The following ANO4 variants were observed in gnomAD, a reference collection of about 807,000 sequenced individuals.
ANO4 encodes anoctamin 4, also known as anoctamin-4.
A neutral mutation model predicts 141.9 loss-of-function variants in ANO4; 69 were observed. That is an observed-to-expected ratio of 0.49 (90% CI 0.40 to 0.59). The LOEUF (loss-of-function observed/expected upper bound fraction) is 0.59, where lower values mean the gene tolerates loss of function less well. Among genes scored for constraint, ANO4 ranks in the 20% least tolerant of loss-of-function variants. The pLI is 0.00. For missense variants in ANO4, 894 were observed against 1,162.2 expected (o/e 0.77, Z 3.36); for synonymous variants, 350 against 394.3 (o/e 0.89, Z 1.33).
intron 6 of ANO4, 104 bp from the exon 7 acceptor site, chr12:100,974,741 C>G: frequency 7.9e-7 from 1 of 1,262,780 alleles, no homozygotes; most frequent in Non-Finnish European, 1.2e-6. Flanking sequence ...TTCTTCACCT[C>G]TTACAGGCTT....
At chr12:100,873,218 T>C (rs147227608) in intron 1 of ANO4, among the ~76,000 whole-genome samples, 107 of 152,316 alleles carry the variant, frequency 7.0e-4, no homozygotes, top group African/African-American at 2.5e-3. Context: ...AGCAAATTGG[T>C]ACTGGGAGTG....
chr12:100,952,020 T>C (rs1379945985), intron 5 of ANO4, among the ~76,000 whole-genome samples: 1 of 152,144 alleles, frequency 6.6e-6, no homozygotes, highest in Non-Finnish European at 1.5e-5. Context: ...CATCCCTAGC[T>C]GAGAATCCCT....
intron 22 of ANO4, among the ~76,000 whole-genome samples, chr12:101,109,255 G>T (rs1243266804): frequency 6.6e-6 from 1 of 152,090 alleles, no homozygotes; most frequent in African/African-American, 2.4e-5. Context: ...TATTTACTTT[G>T]ATCACTTGGT....
At chr12:101,127,385 C>A (rs2051365740) in intron 27 of ANO4, among the ~76,000 whole-genome samples, 1 of 152,080 alleles carries the variant, frequency 6.6e-6, no homozygotes, top group Non-Finnish European at 1.5e-5. Context: ...TCCAGCCGGG[C>A]TGTTTTCTTT....
At chr12:100,970,802 T>A (rs976870282) in intron 5 of ANO4, among the ~76,000 whole-genome samples, 1 of 151,756 alleles carries the variant, frequency 6.6e-6, no homozygotes, top group Admixed American at 6.6e-5. Context: ...CACTGCAACC[T>A]CCACCTTTCG....
intron 8 of ANO4, among the ~76,000 whole-genome samples, chr12:100,989,681 C>T (rs2044968094): frequency 1.7e-5 from 2 of 115,718 alleles, no homozygotes; most frequent in South Asian, 2.9e-4. Context: ...ATGGATAAGT[C>T]ACTGGATGGA....
At chr12:100,905,096 G>A (rs2040776427) in intron 2 of ANO4, among the ~76,000 whole-genome samples, 1 of 152,162 alleles carries the variant, frequency 6.6e-6, no homozygotes, top group Non-Finnish European at 1.5e-5. Context: ...GGCAAAGGTG[G>A]GGCTGAGTTC....
chr12:100,947,935 G>A (rs141237631), intron 5 of ANO4, among the ~76,000 whole-genome samples: 2,568 of 152,178 alleles, frequency 0.017, 76 homozygotes, highest in African/African-American at 0.058. Flanking sequence ...TATAATCCCA[G>A]CACTTTGGGA....
chr12:100,975,624 A>T (rs1301891391), intron 7 of ANO4, among the ~76,000 whole-genome samples: 1 of 151,666 alleles, frequency 6.6e-6, no homozygotes, highest in African/African-American at 2.4e-5. Context: ...TATTTTTAGT[A>T]GAGAGAGGGT....
chr12:101,033,708 T>C (rs2047078518), intron 9 of ANO4, among the ~76,000 whole-genome samples: 2 of 152,086 alleles, frequency 1.3e-5, no homozygotes, highest in South Asian at 4.1e-4. Context: ...ACAGACAATC[T>C]ACAGAGCGGG....
chr12:101,123,317 TTTTTTA>T (rs2051170329), intron 26 of ANO4, among the ~76,000 whole-genome samples: 1 of 152,206 alleles, frequency 6.6e-6, no homozygotes, highest in Non-Finnish European at 1.5e-5. Flanking sequence ...TGTTTGGGAT[TTTTTTA>T]TTTTAAGTTC....
intron 3 of ANO4, among the ~76,000 whole-genome samples, chr12:100,746,577 G>T (rs1394363623): frequency 6.6e-6 from 1 of 152,154 alleles, no homozygotes; most frequent in Non-Finnish European, 1.5e-5. Context: ...TTTCACAGGG[G>T]ACATTTGGCA....
rs574684839 is a variant in ANO4, at chr12:100,987,110, G to A, written c.603-429G>A. The stretch of plus-strand genomic sequence containing the variant: ...GGATGTGCTGCCAGCACCCCCTCCC[G>A]AAAGTTAATTACAGCTAGAGCTCTT... On this transcript the variant is annotated intron_variant, in intron 7 of 27. Coordinates refer to ENST00000392977, the MANE Select transcript of ANO4 (RefSeq NM_001286615.2). The A allele has an allele frequency of 3.2e-3, 508 of 157,250 alleles. 6 individuals carry two copies. Among genetic ancestry groups the A allele is most frequent in the African/African-American group, 0.012 (479 of 41,638 alleles). 9.7% of individuals were successfully genotyped at this position (157,250 alleles called of 1,614,324 possible). A position where few individuals can be genotyped will look rare whatever the true frequency, so the allele number is the denominator to read the frequency against.
At chr12:100,848,894 A>C (rs1234437042) in intron 1 of ANO4, among the ~76,000 whole-genome samples, 2 of 151,968 alleles carry the variant, frequency 1.3e-5, no homozygotes, top group Non-Finnish European at 2.9e-5. Flanking sequence ...TTTCCTACTT[A>C]TCACACTGTA....
upstream of ANO4, chr12:100,717,378 C>CGCTGACTGGGCGT (rs2030643286): frequency 3.0e-6 from 1 of 328,938 alleles, no homozygotes; most frequent in African/African-American, 2.2e-5. Context: ...GAGCGCGGCG[C>CGCTGACTGGGCGT]GCTGACTGGG....
At chr12:100,987,692 C>G (rs771761146) in intron 8 of ANO4, 22 bp downstream of exon 8, 1 of 1,612,378 alleles carries the variant, frequency 6.2e-7, no homozygotes, top group Non-Finnish European at 8.5e-7. Context: ...ATGTTAAAGC[C>G]CCATCTCACT....
intron 1 of ANO4, among the ~76,000 whole-genome samples, chr12:100,799,184 TA>T (rs1238774520): frequency 2.6e-5 from 4 of 152,196 alleles, no homozygotes; most frequent in Admixed American, 6.5e-5. Context: ...ACCCAGCCAT[TA>T]AAAATTGTGA....
At chr12:101,072,001 T>G (rs1238304676) in intron 14 of ANO4, among the ~76,000 whole-genome samples, 1 of 152,184 alleles carries the variant, frequency 6.6e-6, no homozygotes, top group East Asian at 1.9e-4. Context: ...TCCTCCCTAT[T>G]TGCAGAATGT....
chr12:100,808,811 GAATTGTTGATCTAACTATAAA>G (rs747323444), intron 1 of ANO4, among the ~76,000 whole-genome samples: 2 of 152,024 alleles, frequency 1.3e-5, no homozygotes, highest in Non-Finnish European at 2.9e-5. Flanking sequence ...CCTATATTTC[GAATTGTTGATCTAACTATAAA>G]AACGTATTTG....
Sources: gnomAD v4.1 joint callset for allele counts (sites outside exome capture counted in the v4.1 genomes callset) on GRCh38, gnomAD v4.1.1 for gene constraint, MANE v1.5 for transcripts, NCBI Gene and HGNC (gene_info 2026-07-23, HGNC 2026-07-21) for gene names.